The following CEP250 variants were observed in gnomAD, a reference collection of about 807,000 sequenced individuals.
The protein encoded by CEP250 is centrosomal protein 250.
Under a neutral mutation model 315.7 loss-of-function variants are expected in CEP250, and 242 were observed. The ratio of observed to expected loss-of-function variants is 0.77; its 90% CI spans 0.69 to 0.85. The LOEUF (loss-of-function observed/expected upper bound fraction) is 0.85, where lower values mean the gene tolerates loss of function less well. Among genes scored for constraint, CEP250 ranks in the 40% least tolerant of loss-of-function variants. The pLI, the probability that CEP250 is intolerant of heterozygous loss-of-function variation, is 0.00. For missense variants in CEP250, 2,515 were observed against 2,886.4 expected (o/e 0.87, Z 2.95); for synonymous variants, 1,088 against 1,175.0 (o/e 0.93, Z 1.51).
intron 3 of CEP250, among the ~76,000 whole-genome samples, chr20:35,461,474 G>C (rs189867756): frequency 2.4e-3 from 360 of 152,340 alleles, no homozygotes; most frequent in African/African-American, 8.2e-3. Flanking sequence ...TGCCTGTGGT[G>C]GCCCATTGCC....
chr20:35,509,100 A>C, intron 33 of CEP250, 56 bp downstream of exon 33: 1 of 1,418,148 alleles, frequency 7.1e-7, no homozygotes, highest in Non-Finnish European at 9.7e-7. Context: ...GCCACCAGAA[A>C]CTCAGCCCTC....
At chr20:35,487,191 C>T (rs920970905) in intron 20 of CEP250, among the ~76,000 whole-genome samples, 6 of 152,134 alleles carry the variant, frequency 3.9e-5, no homozygotes, top group African/African-American at 7.2e-5. Flanking sequence ...TGGGAGGCCG[C>T]GCGTGGTGGC....
At position 35,514,043 on chromosome 20, in the gene CEP250, G is replaced by C. The variant is rs1374733253; in HGVS notation, c.*2417G>C. The C allele has an allele frequency of 6.6e-6, 1 of 152,290 alleles. No homozygotes were observed. Among genetic ancestry groups the C allele is most frequent in the African/African-American group, 2.4e-5 (1 of 41,470 alleles). 9.4% of individuals were successfully genotyped at this position (152,290 alleles called of 1,614,324 possible). A position where few individuals can be genotyped will look rare whatever the true frequency, so the allele number is the denominator to read the frequency against. The stretch of plus-strand genomic sequence containing the variant: ...CTTGCCCAGTAGCAGGATTGCCTCT[G>C]TGGAGTGTCCCACCAATAATGGTGA... On this transcript the variant is annotated 3_prime_UTR_variant, in exon 35 of 35. Transcript: ENST00000397527.
chr20:35,462,519 G>A lies in CEP250; in HGVS notation c.152G>A (p.Arg51Lys). The A allele has an allele frequency of 6.2e-7, 1 of 1,609,278 alleles. No homozygotes were observed. Among genetic ancestry groups the A allele is most frequent in the African/African-American group, 1.3e-5 (1 of 74,950 alleles). ...AAGAACTCCCAGGAGGCCCAGCAGA[G>A]ACAAGCAACCCTTGTGAGGAAGCTG... The part of the protein sequence containing the change: ...KLKNSQEAQQ[R>K]QATLVRKLQA... Residue 51 changes from arginine to lysine, a missense_variant, in exon 4 of 35, where the codon AGA becomes AAA. Arg to Lys is a conservative substitution (Grantham distance 26). Transcript: ENST00000397527.
intron 19 of CEP250, 45 bp from the exon 20 acceptor site, chr20:35,479,931 G>GT: frequency 7.5e-6 from 12 of 1,604,522 alleles, no homozygotes; most frequent in Non-Finnish European, 1.0e-5. Flanking sequence ...ATTTTATTAG[G>GT]TAAAAGGAGG....
At position 35,498,479 on chromosome 20, in the gene CEP250, A is replaced by G. The variant is rs1245620130; in HGVS notation, c.3656-116A>G. The G allele has an allele frequency of 4.8e-6, 6 of 1,259,634 alleles. No individual in the cohort carries two copies. In the African/African-American group the frequency reaches 7.6e-5, roughly 16 times the overall value. 78.0% of individuals were successfully genotyped at this position (1,259,634 alleles called of 1,614,324 possible). A position where few individuals can be genotyped will look rare whatever the true frequency, so the allele number is the denominator to read the frequency against. On this transcript the variant is annotated intron_variant, in intron 26 of 34. Transcript: ENST00000397527. ...TATGTGATGAGTGAACTGCTGAGAA[A>G]GGGGTTCTTTGCGGAGAGGAGGGAC...
At chr20:35,479,472 G>A (rs1286102767) in intron 18 of CEP250, 48 bp downstream of exon 18, 2 of 1,576,576 alleles carry the variant, frequency 1.3e-6, no homozygotes, top group African/African-American at 1.4e-5. Context: ...GCTTTGCAAG[G>A]CAAAGGCGTG....
chr20:35,486,165 C>G (rs541560806), intron 20 of CEP250, among the ~76,000 whole-genome samples: 2 of 151,848 alleles, frequency 1.3e-5, no homozygotes, highest in Admixed American at 1.3e-4. Flanking sequence ...CAGGCGCATG[C>G]TACCACACCT....
Position 35,503,045 on chromosome 20 carries a change from C to A in CEP250, c.4676C>A (p.Ala1559Asp), listed in dbSNP as rs1356546450. 1.2e-5 allele frequency: 19 copies of A among 1,614,034 alleles called. No individual in the cohort carries two copies. The highest frequency in any genetic ancestry group is 1.6e-5 in the Non-Finnish European group (19 of 1,180,052). ...KKQLVTLECL[A>D]LELEENHHKM... ...CAGTTGGTTACTCTGGAATGCCTGG[C>A]CCTGGAACTGGAGGAAAACCATCAC... The change falls in exon 30 of 35, where the codon GCC becomes GAC. Residue 1559 changes from alanine (A) to aspartate (D), a missense_variant. Coordinates refer to ENST00000397527, the MANE Select transcript of CEP250 (RefSeq NM_007186.6). This position sits in a 1 kb window ranked among gnomAD's most constrained non-coding sequence, Gnocchi z 4.2.
rs777876722 is a variant in CEP250 at position 35,467,043 on chromosome 20, C to A, written c.570C>A (p.His190Gln). 9 of 1,613,688 alleles carry A rather than the reference C, an allele frequency of 5.6e-6. No homozygotes were observed. The East Asian group carries it at 2.0e-4, about 36-fold the overall frequency. The change falls in exon 8 of 35, where the codon CAC becomes CAA. Residue 190 changes from histidine (H) to glutamine (Q), a missense_variant. Transcript: ENST00000397527. ...GGGAGGTTGTGACATTCCGACGCCA[C>A]TTCCTGGAAATGAAGTCAGCTACTG... is the stretch of plus-strand genomic sequence containing the variant. The part of the protein sequence containing the change: ...LWREVVTFRR[H>Q]FLEMKSATDR...
chr20:35,503,605 C>T lies in CEP250; in HGVS notation c.5236C>T (p.His1746Tyr), dbSNP rs1453998037. The change falls in exon 30 of 35, where the codon CAT becomes TAT. Residue 1746 changes from histidine to tyrosine, a missense_variant. Physicochemically the swap from His to Tyr is moderately conservative, Grantham distance 83. Coordinates refer to ENST00000397527, the MANE Select transcript of CEP250 (RefSeq NM_007186.6). The surrounding 1 kb of genome is among the most constrained non-coding windows in gnomAD (Gnocchi z 4.2). ...GGTGGAATGTCAGCAGGAGCATATC[C>T]ATGAACTCCAGGAGCTCAAAGACCA... Reference protein sequence around the residue: ...KEVECQQEHIHELQELKDQLE... With the variant: ...KEVECQQEHIYELQELKDQLE... 1 of 1,614,070 alleles carries T rather than the reference C, an allele frequency of 6.2e-7. No individual in the cohort carries two copies. Among genetic ancestry groups the T allele is most frequent in the East Asian group, 2.2e-5 (1 of 44,874 alleles).
In CEP250 at chr20:35,517,140, C is replaced by T. The variant is rs1376701683; in HGVS notation, c.*5514C>T. The stretch of plus-strand genomic sequence containing the variant: ...CCTTCCAGCACCTTAGCTCCTGCCT[C>T]CCTCTGGACCTATTCAGTCCTCAAG... On this transcript the variant is annotated 3_prime_UTR_variant, in exon 35 of 35. Coordinates refer to ENST00000397527, the MANE Select transcript of CEP250 (RefSeq NM_007186.6). 4.5e-6 allele frequency: 2 copies of T among 439,788 alleles called. No homozygotes were observed. The highest frequency in any genetic ancestry group is 3.1e-4 in the East Asian group (2 of 6,448). 27.2% of individuals were successfully genotyped at this position (439,788 alleles called of 1,614,324 possible). A position where few individuals can be genotyped will look rare whatever the true frequency, so the allele number is the denominator to read the frequency against.
chr20:35,481,562 G>A (rs529411722), intron 20 of CEP250, among the ~76,000 whole-genome samples: 1 of 150,708 alleles, frequency 6.6e-6, no homozygotes, highest in South Asian at 2.1e-4. Flanking sequence ...CAGATACAAC[G>A]AATTGATACC....
intron 1 of CEP250, among the ~76,000 whole-genome samples, chr20:35,456,204 T>C (rs1334873049): frequency 6.6e-6 from 1 of 152,166 alleles, no homozygotes; most frequent in Non-Finnish European, 1.5e-5. Flanking sequence ...CAAAGGCCTA[T>C]TTAATCTTCC....
chr20:35,511,468 C>T lies in CEP250; in HGVS notation c.7171C>T (p.Leu2391Phe). 1 of 1,614,198 alleles carries T rather than the reference C, an allele frequency of 6.2e-7. No homozygotes were observed. Among genetic ancestry groups the T allele is most frequent in the South Asian group, 1.1e-5 (1 of 91,088 alleles). The stretch of plus-strand genomic sequence containing the variant: ...TGAGCTAGCAGGCCTGCACCACAGC[C>T]TCTCACACTCACTTCTTGCCGTGGC... ...SRELAGLHHS[L>F]SHSLLAVAQA... Residue 2391 changes from leucine to phenylalanine, a missense_variant, in exon 35 of 35, where the codon CTC (leucine) becomes TTC (phenylalanine). Leu to Phe is a conservative substitution (Grantham distance 22). Coordinates refer to ENST00000397527, the MANE Select transcript of CEP250 (RefSeq NM_007186.6).
rs761999604 is a variant in CEP250 at position 35,467,495 on chromosome 20, G to A, written c.791G>A (p.Ser264Asn). The A allele has an allele frequency of 1.9e-6, 3 of 1,614,024 alleles. No individual in the cohort carries two copies. Among genetic ancestry groups the A allele is most frequent in the African/African-American group, 1.3e-5 (1 of 74,914 alleles). Residue 264 changes from serine (S) to asparagine (N), a missense_variant, in exon 9 of 35, where the codon AGC becomes AAC. By Grantham distance (46) the Ser-to-Asn change is conservative. Coordinates refer to ENST00000397527, the MANE Select transcript of CEP250 (RefSeq NM_007186.6). ...QELEKEAHERSQELIQLKSQG... is the reference protein window; with the variant it reads ...QELEKEAHERNQELIQLKSQG... ...CTGGAGAAGGAAGCCCATGAAAGGA[G>A]CCAGGAGTTAATACAGCTGAAGAGT...
At chr20:35,465,420 CAAAA>C (rs80078387) in intron 5 of CEP250, among the ~76,000 whole-genome samples, 2 of 59,052 alleles carry the variant, frequency 3.4e-5, no homozygotes, top group Admixed American at 1.7e-4. Context: ...ACTCTGTCTC[CAAAA>C]AAAAAAAAAA....
chr20:35,477,918 G>A lies in CEP250; in HGVS notation c.1911G>A (p.Glu637=). 6.2e-7 allele frequency: 1 copy of A among 1,604,042 alleles called. No homozygotes were observed. The highest frequency in any genetic ancestry group is 1.3e-5 in the African/African-American group (1 of 75,002). ...QSVCSRMEAA[E]QARNALQVDL... ...TGTGCAGCAGAATGGAGGCCGCAGAGCAGGCGAGAAATGCTTTGCAGGTCG... is the reference window on the plus strand; with the variant it reads ...TGTGCAGCAGAATGGAGGCCGCAGAACAGGCGAGAAATGCTTTGCAGGTCG... The change falls in exon 17 of 35, where the codon GAG becomes GAA. Residue 637 remains glutamate (E), a synonymous_variant. Coordinates refer to ENST00000397527, the MANE Select transcript of CEP250 (RefSeq NM_007186.6).
chr20:35,467,436 C>G lies in CEP250; in HGVS notation c.732C>G (p.Ala244=). Residue 244 remains alanine (A), a synonymous_variant, in exon 9 of 35, where the codon GCC becomes GCG. Transcript: ENST00000397527. ...GAAGAATGGATGGGCGGGAGCCGGC[C>G]CAGCTGCTGCTGCTACTAGCCAAGA... is the stretch of plus-strand genomic sequence containing the variant. ...GSGRMDGREP[A]QLLLLLAKTQ... 1 of 1,614,204 alleles carries G rather than the reference C, an allele frequency of 6.2e-7. No individual in the cohort carries two copies. The highest frequency in any genetic ancestry group is 8.5e-7 in the Non-Finnish European group (1 of 1,180,034).
Sources: gnomAD v4.1 joint callset for allele counts (sites outside exome capture counted in the v4.1 genomes callset) on GRCh38, gnomAD v4.1.1 for gene constraint, Gnocchi (gnomAD v3.1) non-coding constraint, MANE v1.5 for transcripts, NCBI Gene and HGNC (gene_info 2026-07-23, HGNC 2026-07-21) for gene names.